Variants in FOXN3 observed in about 807,000 individuals in gnomAD.
The protein encoded by FOXN3 is forkhead box N3, also known as forkhead box protein N3.
In FOXN3, 7 loss-of-function variants were observed where a neutral mutation model predicts 38.4. That is an observed-to-expected ratio of 0.18 (90% CI 0.10 to 0.34). FOXN3 has a LOEUF of 0.34. Ranked by LOEUF, FOXN3 falls within the 10% of genes least tolerant of loss-of-function variation. The pLI, the probability that FOXN3 is intolerant of heterozygous loss-of-function variation, is 1.00. For synonymous variants in FOXN3, 230 were observed against 242.2 expected, an observed-to-expected ratio of 0.95 and a Z score of 0.47; for missense variants, 456 against 613.4, an observed-to-expected ratio of 0.74 and a Z score of 2.71.
At position 89,578,138 on chromosome 14, in the gene FOXN3, A is replaced by G. The variant is rs74993399; in HGVS notation, c.-15+40890T>C. Among the ~76,000 whole-genome samples, 1,186 of 152,332 alleles carry G rather than the reference A, an allele frequency of 7.8e-3. 8 individuals carry two copies. Among genetic ancestry groups the G allele is most frequent in the Non-Finnish European group, 0.013 (908 of 68,018 alleles). On this transcript the variant is annotated intron_variant, in intron 1 of 6. Transcript: ENST00000345097. Reference sequence around the variant, plus strand: ...TTGAATTTATGCTGGGATGAAAGGTAATATAATATCCTTTGAAAGACCTAA... The same window carrying G: ...TTGAATTTATGCTGGGATGAAAGGTGATATAATATCCTTTGAAAGACCTAA...
At chr14:89,232,441 A>G (rs561223638) in intron 4 of FOXN3, among the ~76,000 whole-genome samples, 1 of 152,308 alleles carries the variant, frequency 6.6e-6, no homozygotes, top group East Asian at 1.9e-4. Context: ...ATTTCAATCG[A>G]TGTAAACCAG....
At chr14:89,598,441 T>C (rs1041122648) in intron 1 of FOXN3, among the ~76,000 whole-genome samples, 2 of 152,144 alleles carry the variant, frequency 1.3e-5, no homozygotes, top group African/African-American at 4.8e-5. Context: ...TTTAAAATTA[T>C]TTATTCATTT....
intron 2 of FOXN3, 31 bp from the exon 3 acceptor site, chr14:89,350,839 A>G: frequency 6.7e-7 from 1 of 1,490,176 alleles, no homozygotes; most frequent in Non-Finnish European, 8.9e-7. Flanking sequence ...CAAAGGCATT[A>G]ATAGAGAATT....
At chr14:89,379,238 G>A (rs971166707) in intron 2 of FOXN3, among the ~76,000 whole-genome samples, 5 of 152,228 alleles carry the variant, frequency 3.3e-5, no homozygotes, top group African/African-American at 7.2e-5. Context: ...ACCTTCACTC[G>A]GGGACCTTCC....
chr14:89,619,124 C>T (rs1450813456), exon 1 of FOXN3: 1 of 151,454 alleles, frequency 6.6e-6, no homozygotes, highest in Non-Finnish European at 1.5e-5. Context: ...GTCGCGCCGT[C>T]TCCCGGCCGA....
intron 3 of FOXN3, among the ~76,000 whole-genome samples, chr14:89,285,636 G>T (rs1886606176): frequency 6.6e-6 from 1 of 152,050 alleles, no homozygotes. Context: ...ATTCCACATA[G>T]AAGAGGTATC....
At chr14:89,232,070 G>C (rs1884829642) in intron 4 of FOXN3, among the ~76,000 whole-genome samples, 1 of 152,162 alleles carries the variant, frequency 6.6e-6, no homozygotes, top group African/African-American at 2.4e-5. Context: ...AACCGAAACT[G>C]GGCCAAGACT....
intron 4 of FOXN3, among the ~76,000 whole-genome samples, chr14:89,268,056 A>C (rs372069613): frequency 6.6e-6 from 1 of 152,132 alleles, no homozygotes; most frequent in African/African-American, 2.4e-5. Flanking sequence ...CATCACACTT[A>C]AACATATATG....
chr14:89,522,878 T>C (rs1029718338), intron 1 of FOXN3, among the ~76,000 whole-genome samples: 3 of 151,640 alleles, frequency 2.0e-5, no homozygotes, highest in Non-Finnish European at 4.4e-5. Flanking sequence ...AATCACGTTA[T>C]ATATAAATGG....
At chr14:89,597,705 A>T (rs1275105517) in intron 1 of FOXN3, among the ~76,000 whole-genome samples, 1 of 152,184 alleles carries the variant, frequency 6.6e-6, no homozygotes, top group Non-Finnish European at 1.5e-5. Context: ...TATCTCTAAC[A>T]GTGTTCCTTG....
Position 89,444,286 on chromosome 14 carries a change from G to A in FOXN3, c.-14-31796C>T, listed in dbSNP as rs78171657. On this transcript the variant is annotated intron_variant, in intron 1 of 6. Transcript: ENST00000345097. ...TACTGGAACATTCTTTTGATGGGCG[G>A]GGGCGGTGGGGAAGAAACCAATTCT... 7.4e-3 allele frequency among the ~76,000 whole-genome samples: 1,130 copies of A among 152,090 alleles called. 11 individuals carry two copies. The highest frequency in any genetic ancestry group is 0.026 in the African/African-American group (1,060 of 41,470).
At chr14:89,431,698 C>T (rs966303906) in intron 1 of FOXN3, among the ~76,000 whole-genome samples, 4 of 152,080 alleles carry the variant, frequency 2.6e-5, no homozygotes, top group Admixed American at 1.3e-4. Context: ...TATCCACTGC[C>T]CCAACACAAG....
At chr14:89,448,353 TC>T (rs910438727) in intron 1 of FOXN3, among the ~76,000 whole-genome samples, 1 of 152,060 alleles carries the variant, frequency 6.6e-6, no homozygotes, top group Non-Finnish European at 1.5e-5. Context: ...AGCTTAAAGT[TC>T]CCAGCCCAGG....
chr14:89,308,945 C>T (rs997861024), intron 3 of FOXN3, among the ~76,000 whole-genome samples: 3 of 152,176 alleles, frequency 2.0e-5, no homozygotes, highest in African/African-American at 7.2e-5. Flanking sequence ...CTGGGGACAG[C>T]TCTTGCAGCC....
intron 1 of FOXN3, among the ~76,000 whole-genome samples, chr14:89,601,132 C>G (rs777147250): frequency 6.6e-6 from 1 of 152,132 alleles, no homozygotes; most frequent in Non-Finnish European, 1.5e-5. Context: ...GATAAAATAG[C>G]GTTGATGCCT....
At chr14:89,242,759 C>T (rs2139868332) in intron 4 of FOXN3, among the ~76,000 whole-genome samples, 1 of 152,276 alleles carries the variant, frequency 6.6e-6, no homozygotes, top group African/African-American at 2.4e-5. Context: ...TGTATCCAAT[C>T]TAAATACTGC....
chr14:89,401,761 GAGGA>G, intron 2 of FOXN3: 1 of 420,888 alleles, frequency 2.4e-6, no homozygotes, highest in Non-Finnish European at 4.8e-6. Context: ...CCTGTCCCTC[GAGGA>G]GGACAGTCAC....
chr14:89,297,697 T>G (rs1375190565), intron 3 of FOXN3, among the ~76,000 whole-genome samples: 1 of 152,108 alleles, frequency 6.6e-6, no homozygotes, highest in Admixed American at 6.5e-5. Flanking sequence ...ATTATTCACA[T>G]CTGGGTGCGA....
At chr14:89,387,902 G>A (rs2140073816) in intron 2 of FOXN3, among the ~76,000 whole-genome samples, 1 of 152,334 alleles carries the variant, frequency 6.6e-6, no homozygotes, top group African/African-American at 2.4e-5. Context: ...GCTAAATGGG[G>A]CTGGGCACAG....
Sources: allele counts gnomAD v4.1 joint callset (sites outside exome capture counted in the v4.1 genomes callset), GRCh38; gene constraint gnomAD v4.1.1; transcripts MANE v1.5; gene names NCBI Gene and HGNC (gene_info 2026-07-23, HGNC 2026-07-21).